CFAP299: variants seen among roughly 807,000 people sequenced by gnomAD.
CFAP299 encodes the protein cilia- and flagella-associated protein 299.
A neutral mutation model predicts 27.0 loss-of-function variants in CFAP299; 21 were observed. The ratio of observed to expected loss-of-function variants is 0.78; its 90% CI spans 0.55 to 1.12. The LOEUF (loss-of-function observed/expected upper bound fraction) is 1.12. CFAP299 is among the 50% of genes most tolerant of loss of function. The probability of loss-of-function intolerance (pLI) is 0.00; values close to 1 mark genes in which losing one functional copy is unlikely to be tolerated. For missense variants in CFAP299, 310 were observed against 276.6 expected (o/e 1.12, Z -0.86); for synonymous variants, 104 against 98.1 (o/e 1.06, Z -0.36).
chr4:80,428,049 A>G (rs1727611117), intron 2 of CFAP299, among the ~76,000 whole-genome samples: 1 of 152,230 alleles, frequency 6.6e-6, no homozygotes. Flanking sequence ...TAAAGTTAAT[A>G]TGCTAGACAG....
At chr4:80,862,467 G>C (rs565013555) in intron 3 of CFAP299, among the ~76,000 whole-genome samples, 1 of 152,224 alleles carries the variant, frequency 6.6e-6, no homozygotes, top group South Asian at 2.1e-4. Flanking sequence ...TTCCCCCTGA[G>C]AAATCAATCC....
chr4:80,861,784 C>T (rs557367154), intron 3 of CFAP299, among the ~76,000 whole-genome samples: 10 of 152,134 alleles, frequency 6.6e-5, no homozygotes, highest in African/African-American at 2.4e-4. Context: ...GTAAAGATTG[C>T]CTGCACAATA....
At chr4:80,652,941 A>C (rs921552764) in intron 3 of CFAP299, among the ~76,000 whole-genome samples, 1 of 152,156 alleles carries the variant, frequency 6.6e-6, no homozygotes, top group African/African-American at 2.4e-5. Context: ...TGTTTTCCAC[A>C]TAGGGAATCA....
chr4:80,577,046 C>A (rs1735903617), intron 2 of CFAP299, among the ~76,000 whole-genome samples: 1 of 152,186 alleles, frequency 6.6e-6, no homozygotes, highest in Non-Finnish European at 1.5e-5. Context: ...TACACCCCTA[C>A]TGATTTATGT....
chr4:80,386,989 C>T (rs1003942114), intron 2 of CFAP299: 3 of 1,074,788 alleles, frequency 2.8e-6, no homozygotes, highest in Non-Finnish European at 4.3e-6. Flanking sequence ...TTGAACCTGC[C>T]CCCACTGCGG....
At chr4:80,548,279 G>A (rs1005068669) in intron 2 of CFAP299, among the ~76,000 whole-genome samples, 2 of 152,100 alleles carry the variant, frequency 1.3e-5, no homozygotes, top group African/African-American at 4.8e-5. Context: ...ACTAATGCAG[G>A]AACAGAAATT....
chr4:80,631,618 T>C (rs1321754538), intron 3 of CFAP299, among the ~76,000 whole-genome samples: 1 of 152,192 alleles, frequency 6.6e-6, no homozygotes, highest in East Asian at 1.9e-4. Flanking sequence ...CTTCATTTTG[T>C]CTCTTACAAC....
At chr4:80,323,471 G>C in the CFAP299 span, among the ~76,000 whole-genome samples, 1 of 152,094 alleles carries the variant, frequency 6.6e-6, no homozygotes, top group Non-Finnish European at 1.5e-5. Flanking sequence ...ACTGGTATTT[G>C]TTGAATATTA....
In CFAP299 at chr4:80,710,466, GCTTT is replaced by G. The variant is rs932779485; in HGVS notation, c.333+127288_333+127291del. 1.7e-4 allele frequency among the ~76,000 whole-genome samples: 25 copies of G among 146,052 alleles called. No individual in the cohort carries two copies. In the East Asian group the frequency reaches 3.5e-3, roughly 20 times the overall value. The stretch of plus-strand genomic sequence containing the variant: ...AAGTAACAAGTCTCTCATAACGTGG[GCTTT>G]CTTTTTCTTTTTCTTTTTTTTTTTT... On this transcript the variant is annotated intron_variant, in intron 3 of 5. Coordinates refer to ENST00000358105, the MANE Select transcript of CFAP299 (RefSeq NM_152770.3).
chr4:80,369,704 G>A (rs1724036245), intron 2 of CFAP299, among the ~76,000 whole-genome samples: 2 of 152,186 alleles, frequency 1.3e-5, no homozygotes, highest in South Asian at 2.1e-4. Context: ...GATGCCCAAG[G>A]TGCCTAAGTG....
At chr4:80,671,587 G>A (rs1741485287) in intron 3 of CFAP299, among the ~76,000 whole-genome samples, 1 of 152,154 alleles carries the variant, frequency 6.6e-6, no homozygotes, top group Non-Finnish European at 1.5e-5. Context: ...ACCTTGGGCA[G>A]TATGGCCATT....
intron 2 of CFAP299, among the ~76,000 whole-genome samples, chr4:80,532,967 C>T (rs1333014395): frequency 6.6e-6 from 1 of 152,152 alleles, no homozygotes; most frequent in Non-Finnish European, 1.5e-5. Context: ...TGTCACTAGG[C>T]CACACATCTC....
intron 3 of CFAP299, among the ~76,000 whole-genome samples, chr4:80,727,841 A>G (rs1353119844): frequency 2.0e-5 from 3 of 151,936 alleles, no homozygotes; most frequent in South Asian, 2.1e-4. Context: ...AAGAGTCTAG[A>G]GAACAAATAT....
intron 3 of CFAP299, among the ~76,000 whole-genome samples, chr4:80,799,248 T>A (rs1316033791): frequency 5.0e-4 from 54 of 109,024 alleles, no homozygotes; most frequent in African/African-American, 1.9e-3. Context: ...TTATATATAT[T>A]GTATAAATAT....
chr4:80,473,341 T>C (rs1038668209), intron 2 of CFAP299, among the ~76,000 whole-genome samples: 7 of 152,040 alleles, frequency 4.6e-5, no homozygotes, highest in African/African-American at 1.4e-4. Flanking sequence ...TAAGACAAAC[T>C]AAGTAAAATA....
At chr4:80,374,314 T>G in intron 2 of CFAP299, among the ~76,000 whole-genome samples, 1 of 152,198 alleles carries the variant, frequency 6.6e-6, no homozygotes, top group Middle Eastern at 3.2e-3. Context: ...CCTTTTTTTC[T>G]TATCAGACCT....
intron 2 of CFAP299, among the ~76,000 whole-genome samples, chr4:80,579,580 T>G (rs184461965): frequency 1.5e-4 from 23 of 152,148 alleles, no homozygotes; most frequent in African/African-American, 5.5e-4. Flanking sequence ...ATATTAAGAG[T>G]CCCATCCTTA....
At chr4:80,779,696 G>A (rs896996813) in intron 3 of CFAP299, among the ~76,000 whole-genome samples, 1 of 151,710 alleles carries the variant, frequency 6.6e-6, no homozygotes, top group African/African-American at 2.4e-5. Flanking sequence ...CCATTGGCAG[G>A]TATTCTCCTC....
the CFAP299 span, among the ~76,000 whole-genome samples, chr4:80,322,362 G>A: frequency 6.6e-6 from 1 of 152,138 alleles, no homozygotes; most frequent in Non-Finnish European, 1.5e-5. Flanking sequence ...CAGGTTTTAG[G>A]CAGCAGAATC....
Sources: gnomAD v4.1 joint callset for allele counts (sites outside exome capture counted in the v4.1 genomes callset) on GRCh38, gnomAD v4.1.1 for gene constraint, MANE v1.5 for transcripts, NCBI Gene and HGNC (gene_info 2026-07-23, HGNC 2026-07-21) for gene names.